The following SGO1 variants were observed in gnomAD, a reference collection of about 807,000 sequenced individuals.
The protein encoded by SGO1 is shugoshin 1, also known as serologically defined breast cancer antigen NY-BR-85.
In SGO1, 39 loss-of-function variants were observed where a neutral mutation model predicts 50.5. The observed-to-expected ratio is 0.77, with a 90% CI of 0.60 to 1.01. The LOEUF (loss-of-function observed/expected upper bound fraction) is 1.01, where lower values mean the gene tolerates loss of function less well. SGO1 is among the 50% of genes least tolerant of loss of function. The pLI is 0.00. For synonymous variants in SGO1, 191 were observed against 205.1 expected, an observed-to-expected ratio of 0.93 and a Z score of 0.59; for missense variants, 638 against 606.0, an observed-to-expected ratio of 1.05 and a Z score of -0.55.
At chr3:20,177,977 T>G (rs187184741) in intron 4 of SGO1, among the ~76,000 whole-genome samples, 75 of 152,090 alleles carry the variant, frequency 4.9e-4, no homozygotes, top group African/African-American at 1.7e-3. Context: ...AATAAAAACA[T>G]GGTACACAGA....
chr3:20,166,904 T>C (rs982818921), downstream of SGO1, among the ~76,000 whole-genome samples: 15 of 146,206 alleles, frequency 1.0e-4, no homozygotes, highest in Non-Finnish European at 1.8e-4. Flanking sequence ...AAGCTTGTAG[T>C]CCTAGGTAAA....
chr3:20,169,547 A>G lies in SGO1; in HGVS notation c.*1157T>C, dbSNP rs1468588852. The stretch of plus-strand genomic sequence containing the variant: ...ACCTACAAAGTTCTAAAATTTAAAG[A>G]GGTATATACAAGTATAGACATCAAA... On this transcript the variant is annotated 3_prime_UTR_variant, in exon 8 of 8. Transcript: ENST00000412997. The G allele has an allele frequency of 1.0e-6, 1 of 984,232 alleles. No individual in the cohort carries two copies. Among genetic ancestry groups the G allele is most frequent in the Non-Finnish European group, 1.2e-6 (1 of 828,922 alleles). The allele number at this position is 984,232 out of a possible 1,614,324, so 61.0% of individuals were successfully genotyped here. A position where few individuals can be genotyped will look rare whatever the true frequency, so the allele number is the denominator to read the frequency against.
chr3:20,171,973 A>G (rs1200297590), intron 6 of SGO1, among the ~76,000 whole-genome samples: 1 of 152,234 alleles, frequency 6.6e-6, no homozygotes, highest in Non-Finnish European at 1.5e-5. Flanking sequence ...AGCAAACTGT[A>G]TCCCCAAAAA....
chr3:20,179,827 T>G (rs11717876), intron 3 of SGO1, among the ~76,000 whole-genome samples: 40,037 of 151,982 alleles, frequency 0.26, 5,246 homozygotes, highest in African/African-American at 0.27. Flanking sequence ...CAGGGGAGCA[T>G]GATATCATGA....
At chr3:20,161,015 A>G (rs2125211276) in exon 9 of SGO1, 1 of 1,577,338 alleles carries the variant, frequency 6.3e-7, no homozygotes, top group Non-Finnish European at 8.6e-7. Context: ...CTCTCCCCCA[A>G]CACATAAAGC....
chr3:20,180,275 G>A (rs1228096497), intron 3 of SGO1, among the ~76,000 whole-genome samples: 1 of 152,120 alleles, frequency 6.6e-6, no homozygotes, highest in Non-Finnish European at 1.5e-5. Flanking sequence ...AATGGAGCGA[G>A]ACTCTGTCTC....
At chr3:20,178,104 T>A (rs1247791333) in intron 4 of SGO1, among the ~76,000 whole-genome samples, 167 bp downstream of exon 4, 1 of 152,208 alleles carries the variant, frequency 6.6e-6, no homozygotes, top group Non-Finnish European at 1.5e-5. Context: ...CTTGGCTATA[T>A]GTAATAGAAT....
intron 3 of SGO1, among the ~76,000 whole-genome samples, chr3:20,178,624 G>A (rs2125340191): frequency 6.6e-6 from 1 of 152,342 alleles, no homozygotes. Context: ...AGGTGATAGA[G>A]AGTAACTCAG....
In SGO1 at chr3:20,174,968, G is replaced by A. The variant is rs1034054870; in HGVS notation, c.563C>T (p.Thr188Ile). Residue 188 changes from threonine to isoleucine, a missense_variant, in exon 6 of 8, where the codon ACT becomes ATT. Coordinates refer to ENST00000412997, the MANE Select transcript of SGO1 (RefSeq NM_001199251.3). ...CTTTAAACTGCTACGAACAGATACA[G>A]TTCTAGGTAAGACATTATCAGTAGA... ...AKSTDNVLPR[T>I]VSVRSSLKKH... 1.9e-6 allele frequency: 3 copies of A among 1,613,294 alleles called. No individual in the cohort carries two copies. Among genetic ancestry groups the A allele is most frequent in the Non-Finnish European group, 2.5e-6 (3 of 1,179,574 alleles).
chr3:20,161,072 A>G (rs1700011558), exon 9 of SGO1: 1 of 1,613,170 alleles, frequency 6.2e-7, no homozygotes, highest in African/African-American at 1.3e-5. Flanking sequence ...CATGGACTAA[A>G]AAAGTTTTCT....
At chr3:20,162,705 A>G (rs1173694754) in intron 8 of SGO1, among the ~76,000 whole-genome samples, 2 of 150,168 alleles carry the variant, frequency 1.3e-5, no homozygotes, top group African/African-American at 2.4e-5. Context: ...TATTCTGAAC[A>G]TTATAAATAT....
In SGO1 at chr3:20,169,968, G is replaced by A. The variant is rs1700547745; in HGVS notation, c.*736C>T. The stretch of plus-strand genomic sequence containing the variant: ...CAATAATTTATTTTACTCAAATATT[G>A]TACTAAAGAGTTTCAAAAGATCCTC... On this transcript the variant is annotated 3_prime_UTR_variant, in exon 8 of 8. Transcript: ENST00000412997. 3 of 983,420 alleles carry A rather than the reference G, an allele frequency of 3.1e-6. No homozygotes were observed. Among genetic ancestry groups the A allele is most frequent in the Non-Finnish European group, 3.6e-6 (3 of 828,168 alleles). 60.9% of individuals were successfully genotyped at this position (983,420 alleles called of 1,614,324 possible).
At chr3:20,162,978 G>A (rs1021095551) in intron 8 of SGO1, among the ~76,000 whole-genome samples, 2 of 151,994 alleles carry the variant, frequency 1.3e-5, no homozygotes, top group Non-Finnish European at 2.9e-5. Flanking sequence ...TCTGTAGGGT[G>A]CAGCTAATAG....
downstream of SGO1, among the ~76,000 whole-genome samples, chr3:20,168,600 T>C (rs890050398): frequency 4.6e-5 from 7 of 151,934 alleles, no homozygotes; most frequent in African/African-American, 7.3e-5. Context: ...TAGCCACATA[T>C]GGCTACTGAT....
chr3:20,181,188 A>ATTTT, intron 3 of SGO1, among the ~76,000 whole-genome samples: 1 of 152,240 alleles, frequency 6.6e-6, no homozygotes, highest in Non-Finnish European at 1.5e-5. Flanking sequence ...ATGAAACTTT[A>ATTTT]AATTTGACAT....
intron 8 of SGO1, among the ~76,000 whole-genome samples, chr3:20,163,086 C>A (rs1256385558): frequency 6.6e-6 from 1 of 151,788 alleles, no homozygotes; most frequent in Non-Finnish European, 1.5e-5. Flanking sequence ...CAAATTAAAT[C>A]CAAAGTAGAC....
upstream of SGO1, chr3:20,186,379 G>C (rs891541731): frequency 1.3e-5 from 2 of 152,346 alleles, no homozygotes; most frequent in East Asian, 1.9e-4. Flanking sequence ...CGGAGCCTGC[G>C]GTCGGGTCTC....
At chr3:20,166,676 G>A (rs1306005839), downstream of SGO1, among the ~76,000 whole-genome samples, 1 of 151,800 alleles carries the variant, frequency 6.6e-6, no homozygotes, top group Non-Finnish European at 1.5e-5. Context: ...GCACAATCAT[G>A]TGAATGTACT....
rs1478318297 is a variant in SGO1 at position 20,174,984 on chromosome 3, T to C, written c.547A>G (p.Asn183Asp). The C allele has an allele frequency of 6.2e-7, 1 of 1,609,082 alleles. No homozygotes were observed. The highest frequency in any genetic ancestry group is 8.5e-7 in the Non-Finnish European group (1 of 1,177,252). Residue 183 changes from asparagine to aspartate, a missense_variant, in exon 6 of 8, where the codon AAT becomes GAT. Physicochemically the swap from Asn to Asp is conservative, Grantham distance 23. Transcript: ENST00000412997. ...ACAGATACAGTTCTAGGTAAGACATTATCAGTAGACTTAGCTTCACCTGAA... is the reference window on the plus strand; with the variant it reads ...ACAGATACAGTTCTAGGTAAGACATCATCAGTAGACTTAGCTTCACCTGAA... Reference protein sequence around the residue: ...FDSGEAKSTDNVLPRTVSVRS... With the variant: ...FDSGEAKSTDDVLPRTVSVRS...
Sources: gnomAD v4.1 joint callset for allele counts (sites outside exome capture counted in the v4.1 genomes callset) on GRCh38, gnomAD v4.1.1 for gene constraint, MANE v1.5 for transcripts, NCBI Gene and HGNC (gene_info 2026-07-23, HGNC 2026-07-21) for gene names.